Variants in PTPRD observed in about 807,000 individuals in gnomAD.
The protein encoded by PTPRD is protein tyrosine phosphatase receptor type D.
Under a neutral mutation model 214.5 loss-of-function variants are expected in PTPRD, and 34 were observed. The ratio of observed to expected loss-of-function variants is 0.16; its 90% CI spans 0.12 to 0.21. PTPRD has a LOEUF of 0.21. Among genes scored for constraint, PTPRD ranks in the 10% least tolerant of loss-of-function variants. The pLI is 1.00. For missense variants in PTPRD, 2,545 were observed against 2,398.7 expected (o/e 1.06, Z -1.27); for synonymous variants, 1,128 against 845.7 (o/e 1.33, Z -5.79).
At chr9:9,316,056 T>TG (rs1962841844) in intron 9 of PTPRD, among the ~76,000 whole-genome samples, 1 of 151,978 alleles carries the variant, frequency 6.6e-6, no homozygotes. Flanking sequence ...CACATGCCTG[T>TG]CCATAGAATC....
At chr9:8,925,574 C>T (rs150823684) in intron 11 of PTPRD, among the ~76,000 whole-genome samples, 2 of 150,488 alleles carry the variant, frequency 1.3e-5, no homozygotes, top group East Asian at 2.0e-4. Flanking sequence ...CCACCACCCC[C>T]GCCAACCAAG....
chr9:10,306,747 T>A (rs2096083840), intron 3 of PTPRD, among the ~76,000 whole-genome samples: 1 of 152,118 alleles, frequency 6.6e-6, no homozygotes, highest in African/African-American at 2.4e-5. Context: ...TATCAACAGC[T>A]CCTCATTGAG....
intron 3 of PTPRD, among the ~76,000 whole-genome samples, chr9:10,296,960 AAAAG>A (rs1268472562): frequency 3.5e-4 from 53 of 151,774 alleles, no homozygotes; most frequent in African/African-American, 1.2e-3. Context: ...TCTTCATTAG[AAAAG>A]AAGAGTTTGA....
At chr9:8,463,325 A>AAT (rs1353843751) in intron 32 of PTPRD, among the ~76,000 whole-genome samples, 2 of 150,282 alleles carry the variant, frequency 1.3e-5, no homozygotes, top group African/African-American at 4.9e-5. Context: ...AAAAAAAAAA[A>AAT]AAAAAAAAAG....
chr9:9,231,130 C>G (rs1260617066), intron 9 of PTPRD, among the ~76,000 whole-genome samples: 1 of 152,058 alleles, frequency 6.6e-6, no homozygotes, highest in African/African-American at 2.4e-5. Flanking sequence ...GTTTTGGTAA[C>G]AGGCTTATAT....
At chr9:10,007,397 A>T (rs1201451228) in intron 4 of PTPRD, among the ~76,000 whole-genome samples, 1 of 152,056 alleles carries the variant, frequency 6.6e-6, no homozygotes, top group African/African-American at 2.4e-5. Flanking sequence ...GACCAAAAGC[A>T]ATACCAAGGA....
chr9:8,334,222 G>C (rs202009667), intron 43 of PTPRD, among the ~76,000 whole-genome samples: 3 of 151,852 alleles, frequency 2.0e-5, no homozygotes, highest in Non-Finnish European at 4.4e-5. Flanking sequence ...CCCAAATCAA[G>C]AGAATATATA....
chr9:9,840,523 T>C (rs1417324640), intron 5 of PTPRD, among the ~76,000 whole-genome samples: 1 of 152,040 alleles, frequency 6.6e-6, no homozygotes, highest in African/African-American at 2.4e-5. Flanking sequence ...TGTTTGGTCA[T>C]TTCATTGGAG....
At chr9:9,257,629 C>CAAAAATA (rs1341808218) in intron 9 of PTPRD, among the ~76,000 whole-genome samples, 2 of 151,522 alleles carry the variant, frequency 1.3e-5, no homozygotes, top group Non-Finnish European at 2.9e-5. Context: ...CTGTCTCTAC[C>CAAAAATA]AAAAATAAAA....
At chr9:10,367,375 T>G (rs529848059) in intron 2 of PTPRD, among the ~76,000 whole-genome samples, 1 of 152,086 alleles carries the variant, frequency 6.6e-6, no homozygotes, top group Non-Finnish European at 1.5e-5. Flanking sequence ...ATAATAATCA[T>G]AAAAGGAAGA....
intron 5 of PTPRD, among the ~76,000 whole-genome samples, chr9:9,818,102 C>G (rs1004934281): frequency 6.6e-6 from 1 of 152,136 alleles, no homozygotes; most frequent in Admixed American, 6.5e-5. Context: ...GATAATCCAT[C>G]TAAATGCCCT....
chr9:8,363,991 C>A (rs997725231), intron 39 of PTPRD, among the ~76,000 whole-genome samples: 1 of 152,158 alleles, frequency 6.6e-6, no homozygotes, highest in Admixed American at 6.5e-5. Flanking sequence ...CTTATTAATG[C>A]CAGTTATCAA....
At chr9:8,527,658 A>G (rs1201919966) in intron 15 of PTPRD, among the ~76,000 whole-genome samples, 1 of 152,164 alleles carries the variant, frequency 6.6e-6, no homozygotes, top group Non-Finnish European at 1.5e-5. Flanking sequence ...ATGTCAAAGT[A>G]AACAGCTTAT....
intron 9 of PTPRD, among the ~76,000 whole-genome samples, chr9:9,323,395 T>A (rs1367568086): frequency 3.3e-5 from 5 of 152,164 alleles, no homozygotes; most frequent in Non-Finnish European, 7.4e-5. Flanking sequence ...ACAATTATCC[T>A]AACCTTAAGG....
intron 4 of PTPRD, among the ~76,000 whole-genome samples, chr9:9,941,000 C>T (rs4237179): frequency 0.36 from 55,032 of 151,730 alleles, 10,591 homozygotes; most frequent in East Asian, 0.73. Flanking sequence ...CCCTGGGCCA[C>T]ACCAGAAAAA....
At chr9:9,440,978 G>A (rs2144369545) in intron 8 of PTPRD, among the ~76,000 whole-genome samples, 1 of 152,322 alleles carries the variant, frequency 6.6e-6, no homozygotes, top group Non-Finnish European at 1.5e-5. Flanking sequence ...CAGGCCTGCT[G>A]TTAGCCTAGT....
rs150773182 is a variant in PTPRD, at chr9:9,704,956, A to T, written c.-287+29577T>A. Among the ~76,000 whole-genome samples the T allele has an allele frequency of 6.0e-4, 91 of 152,320 alleles. 1 individual carries two copies. The highest frequency in any genetic ancestry group is 3.5e-3 in the South Asian group (17 of 4,824). ...CCCAAAATTTATAAGAAAAAGTAAA[A>T]TGACTGTTTTAAGCCACTAAATTTT... On this transcript the variant is annotated intron_variant, in intron 7 of 45. Coordinates refer to ENST00000381196, the MANE Select transcript of PTPRD (RefSeq NM_002839.4).
chr9:9,588,179 G>C (rs1356112245), intron 7 of PTPRD, among the ~76,000 whole-genome samples: 1 of 151,686 alleles, frequency 6.6e-6, no homozygotes, highest in African/African-American at 2.4e-5. Context: ...GGACCTGCAA[G>C]GATTTTAACC....
At chr9:8,952,139 A>G (rs527494829) in intron 11 of PTPRD, among the ~76,000 whole-genome samples, 1 of 152,106 alleles carries the variant, frequency 6.6e-6, no homozygotes, top group South Asian at 2.1e-4. Flanking sequence ...CCACTAAAAT[A>G]ATGTGAGTTT....
Sources: gnomAD v4.1 joint callset for allele counts (sites outside exome capture counted in the v4.1 genomes callset) on GRCh38, gnomAD v4.1.1 for gene constraint, MANE v1.5 for transcripts, NCBI Gene and HGNC (gene_info 2026-07-23, HGNC 2026-07-21) for gene names.